The following ATP8A2 variants were observed in gnomAD, a reference collection of about 807,000 sequenced individuals.
ATP8A2 encodes ATPase phospholipid transporting 8A2, also known as phospholipid-transporting ATPase IB.
In ATP8A2, 100 loss-of-function variants were observed where a neutral mutation model predicts 165.6. The observed-to-expected ratio is 0.60, with a 90% CI of 0.51 to 0.71. ATP8A2 has a LOEUF of 0.71. Among genes scored for constraint, ATP8A2 ranks in the 30% least tolerant of loss-of-function variants. The pLI, the probability that ATP8A2 is intolerant of heterozygous loss-of-function variation, is 0.00. For synonymous variants in ATP8A2, 543 were observed against 548.8 expected, an observed-to-expected ratio of 0.99 and a Z score of 0.15; for missense variants, 1,227 against 1,479.5, an observed-to-expected ratio of 0.83 and a Z score of 2.80.
At chr13:25,856,388 A>C (rs545492578) in intron 30 of ATP8A2, among the ~76,000 whole-genome samples, 53 of 152,318 alleles carry the variant, frequency 3.5e-4, no homozygotes, top group Non-Finnish European at 7.4e-4. Context: ...GAGACTCAGA[A>C]GGGTGAGAGG....
intron 28 of ATP8A2, among the ~76,000 whole-genome samples, chr13:25,832,591 G>A (rs927631044): frequency 1.3e-5 from 2 of 152,086 alleles, no homozygotes; most frequent in South Asian, 4.1e-4. Flanking sequence ...AAGAAAATAA[G>A]AAAAACATGA....
chr13:25,750,783 TTGA>T lies in ATP8A2; in HGVS notation c.2385-18262_2385-18260del, dbSNP rs1261430126. Among the ~76,000 whole-genome samples the T allele has an allele frequency of 1.3e-5, 2 of 152,132 alleles. No individual in the cohort carries two copies. The highest frequency in any genetic ancestry group is 1.3e-4 in the Admixed American group (2 of 15,262). ...GCTCGATGTATACAAAACTTCTGTT[TTGA>T]AAGAGTTGCTTGGGGAAAAAAAAAA... On this transcript the variant is annotated intron_variant, in intron 25 of 36. Coordinates refer to ENST00000381655, the MANE Select transcript of ATP8A2 (RefSeq NM_016529.6). The surrounding 1 kb of genome is among the most constrained non-coding windows in gnomAD (Gnocchi z 4.3).
At chr13:25,964,115 G>A (rs946971414) in intron 34 of ATP8A2, among the ~76,000 whole-genome samples, 2 of 152,218 alleles carry the variant, frequency 1.3e-5, no homozygotes, top group African/African-American at 4.8e-5. Flanking sequence ...CCAGAACTCA[G>A]CTTTTCCGGG....
chr13:25,829,982 G>A (rs1388641825), intron 28 of ATP8A2, among the ~76,000 whole-genome samples: 5 of 150,488 alleles, frequency 3.3e-5, no homozygotes, highest in Admixed American at 6.6e-5. Flanking sequence ...TTAACAAAGA[G>A]AATCTCAGAC....
intron 24 of ATP8A2, among the ~76,000 whole-genome samples, chr13:25,685,487 A>G (rs758901095): frequency 2.0e-5 from 3 of 152,206 alleles, no homozygotes; most frequent in Non-Finnish European, 4.4e-5. Context: ...TGTCAGTAAA[A>G]GATGTAGAAG....
At chr13:25,422,192 T>C (rs1267450023) in intron 1 of ATP8A2, among the ~76,000 whole-genome samples, 2 of 152,202 alleles carry the variant, frequency 1.3e-5, no homozygotes, top group Admixed American at 6.5e-5. Context: ...AGAGTAATAA[T>C]ATAAATAATT....
intron 8 of ATP8A2, 108 bp downstream of exon 8, chr13:25,540,496 G>A (rs1222436081): frequency 1.7e-5 from 14 of 801,444 alleles, no homozygotes; most frequent in Non-Finnish European, 3.0e-5. Context: ...AAAGGGTTAT[G>A]CCTTAGCCCT....
chr13:25,486,127 C>T (rs997512957), intron 2 of ATP8A2, among the ~76,000 whole-genome samples: 1 of 152,142 alleles, frequency 6.6e-6, no homozygotes, highest in African/African-American at 2.4e-5. Context: ...CCTTCTGTGT[C>T]TAGTTTTATG....
At chr13:25,632,114 T>G (rs1321529217) in intron 24 of ATP8A2, among the ~76,000 whole-genome samples, 1 of 152,120 alleles carries the variant, frequency 6.6e-6, no homozygotes, top group Admixed American at 6.6e-5. Context: ...TCATAAAGGA[T>G]GTTATGGATG....
chr13:25,684,113 C>T (rs1186960196), intron 24 of ATP8A2, among the ~76,000 whole-genome samples: 2 of 152,130 alleles, frequency 1.3e-5, no homozygotes, highest in African/African-American at 4.8e-5. Flanking sequence ...AGGCTTCCGC[C>T]CAGGATAACA....
chr13:25,951,551 T>C (rs1955360867), intron 33 of ATP8A2, among the ~76,000 whole-genome samples: 1 of 152,182 alleles, frequency 6.6e-6, no homozygotes, highest in Admixed American at 6.5e-5. Context: ...ATATTTTGTT[T>C]TGGGTGGTAG....
intron 23 of ATP8A2, among the ~76,000 whole-genome samples, chr13:25,583,016 A>G (rs2039817883): frequency 6.6e-6 from 1 of 152,230 alleles, no homozygotes; most frequent in African/African-American, 2.4e-5. Context: ...AATCAGCCAT[A>G]GACTTTGTCC....
chr13:25,666,146 G>T (rs915854676), intron 24 of ATP8A2, among the ~76,000 whole-genome samples: 4 of 151,886 alleles, frequency 2.6e-5, no homozygotes, highest in Admixed American at 2.6e-4. Flanking sequence ...GTGTTTCTTG[G>T]AACATTTTAA....
At chr13:25,939,734 C>T (rs1440756191) in intron 33 of ATP8A2, among the ~76,000 whole-genome samples, 6 of 152,324 alleles carry the variant, frequency 3.9e-5, no homozygotes, top group African/African-American at 1.2e-4. Context: ...TCCGATTCCC[C>T]GACTCACAGC....
At chr13:25,858,227 C>T (rs1180790132) in intron 30 of ATP8A2, among the ~76,000 whole-genome samples, 1 of 152,192 alleles carries the variant, frequency 6.6e-6, no homozygotes, top group Non-Finnish European at 1.5e-5. Flanking sequence ...TTTTGAGTAA[C>T]TATTTGCTAA....
chr13:25,704,337 CTTT>C (rs67458818), intron 25 of ATP8A2, among the ~76,000 whole-genome samples: 2 of 137,662 alleles, frequency 1.5e-5, no homozygotes, highest in African/African-American at 2.7e-5. Context: ...ACATCTAGGA[CTTT>C]TTTTTTTTTT....
chr13:25,860,187 T>G lies in ATP8A2; in HGVS notation c.2957-8T>G. 1 of 1,605,694 alleles carries G rather than the reference T, an allele frequency of 6.2e-7. No individual in the cohort carries two copies. Among genetic ancestry groups the G allele is most frequent in the Non-Finnish European group, 8.5e-7 (1 of 1,172,810 alleles). ...TTGGATGTTAATAGTAACTTCTTTG[T>G]TTTTCAGATACTGTGTTGACAAGTG... is the stretch of plus-strand genomic sequence containing the variant. On this transcript the variant is annotated splice_polypyrimidine_tract_variant and splice_region_variant and intron_variant, in intron 30 of 36. Coordinates refer to ENST00000381655, the MANE Select transcript of ATP8A2 (RefSeq NM_016529.6).
At chr13:25,572,656 T>A (rs897789312) in intron 18 of ATP8A2, among the ~76,000 whole-genome samples, 1 of 152,218 alleles carries the variant, frequency 6.6e-6, no homozygotes. Flanking sequence ...TTTTTCATGA[T>A]GACCAGTTAG....
At chr13:25,947,752 C>T (rs1955251297) in intron 33 of ATP8A2, among the ~76,000 whole-genome samples, 1 of 152,158 alleles carries the variant, frequency 6.6e-6, no homozygotes, top group Non-Finnish European at 1.5e-5. Flanking sequence ...AAGCAGACAC[C>T]GTGGTCAGCC....
Sources: allele counts gnomAD v4.1 joint callset (sites outside exome capture counted in the v4.1 genomes callset), GRCh38; gene constraint gnomAD v4.1.1; non-coding constraint Gnocchi (gnomAD v3.1); transcripts MANE v1.5; gene names NCBI Gene and HGNC (gene_info 2026-07-23, HGNC 2026-07-21).